GALNT9: variants seen among roughly 807,000 people sequenced by gnomAD.
GALNT9 encodes the protein GalNAc transferase 9.
Under a neutral mutation model 63.1 loss-of-function variants are expected in GALNT9, and 47 were observed. The observed-to-expected ratio is 0.75, with a 90% CI of 0.59 to 0.95. The LOEUF (loss-of-function observed/expected upper bound fraction) is 0.95, where lower values mean the gene tolerates loss of function less well. GALNT9 is among the 40% of genes least tolerant of loss of function. GALNT9 has a pLI of 0.00. For missense variants in GALNT9, 829 were observed against 874.8 expected (o/e 0.95, Z 0.66); for synonymous variants, 396 against 365.7 (o/e 1.08, Z -0.94).
At chr12:132,258,021 AC>A in intron 4 of GALNT9, 135 bp from the exon 5 acceptor site, 1 of 646,942 alleles carries the variant, frequency 1.5e-6, no homozygotes, top group Non-Finnish European at 2.7e-6. Context: ...GCTGAGCTAG[AC>A]CCACATCCTC....
At chr12:132,221,772 G>A (rs970318740) in intron 6 of GALNT9, among the ~76,000 whole-genome samples, 2 of 151,732 alleles carry the variant, frequency 1.3e-5, no homozygotes, top group African/African-American at 4.8e-5. Flanking sequence ...AGAGGAATTC[G>A]GGGGCCCAGA....
intron 6 of GALNT9, among the ~76,000 whole-genome samples, chr12:132,210,147 G>A (rs1006050663): frequency 5.9e-5 from 9 of 152,220 alleles, no homozygotes; most frequent in African/African-American, 1.9e-4. Flanking sequence ...TCCAGAGATG[G>A]GTGGGTCCCT....
chr12:132,213,941 C>A (rs138474787), intron 6 of GALNT9, among the ~76,000 whole-genome samples: 12 of 152,320 alleles, frequency 7.9e-5, no homozygotes, highest in African/African-American at 2.6e-4. Flanking sequence ...AACCCCACCC[C>A]CTATGTCCGC....
intron 9 of GALNT9, 148 bp from the exon 10 acceptor site, chr12:132,198,107 C>T (rs922285306): frequency 1.0e-4 from 68 of 661,982 alleles, no homozygotes; most frequent in Middle Eastern, 4.2e-4. Context: ...CTGTTGCGGG[C>T]GGGAGAGGAC....
In GALNT9 at chr12:132,246,836, G is replaced by T. The variant is rs1429189916; in HGVS notation, c.1077+1074C>A. Among the ~76,000 whole-genome samples the T allele has an allele frequency of 2.0e-5, 3 of 152,136 alleles. No homozygotes were observed. Among genetic ancestry groups the T allele is most frequent in the Non-Finnish European group, 4.4e-5 (3 of 68,024 alleles). Reference sequence around the variant, plus strand: ...GTGAGCCTCAGTGCCCGGCCTCACAGTATTATTTAATCTGCCCAACCTGAG... The same window carrying T: ...GTGAGCCTCAGTGCCCGGCCTCACATTATTATTTAATCTGCCCAACCTGAG... On this transcript the variant is annotated intron_variant, in intron 6 of 10. Coordinates refer to ENST00000328957, the MANE Select transcript of GALNT9 (RefSeq NM_001122636.2). This position sits in a 1 kb window ranked among gnomAD's most constrained non-coding sequence, Gnocchi z 4.7.
At chr12:132,298,571 AC>A (rs1407317254) in intron 1 of GALNT9, among the ~76,000 whole-genome samples, 16 of 151,414 alleles carry the variant, frequency 1.1e-4, no homozygotes, top group African/African-American at 3.7e-4. Context: ...TGCTGAGATA[AC>A]CCACTCCCAT....
chr12:132,266,551 C>T (rs765930105), intron 2 of GALNT9, among the ~76,000 whole-genome samples: 9 of 152,210 alleles, frequency 5.9e-5, no homozygotes, highest in Non-Finnish European at 7.3e-5. Context: ...GGCACGGCCA[C>T]GAGCCCAGGG....
At chr12:132,278,252 C>T (rs1341086665) in intron 2 of GALNT9, 1 of 152,224 alleles carries the variant, frequency 6.6e-6, no homozygotes, top group Non-Finnish European at 1.5e-5. Context: ...ACGTCGCACT[C>T]TCTGGGTATG....
intron 1 of GALNT9, among the ~76,000 whole-genome samples, chr12:132,311,794 G>A (rs573680623): frequency 3.3e-5 from 5 of 152,178 alleles, no homozygotes; most frequent in East Asian, 1.9e-4. Context: ...CTTCGTGTGC[G>A]TGCGACCTTG....
intron 4 of GALNT9, 85 bp downstream of exon 4, chr12:132,260,863 A>C (rs1879348878): frequency 1.4e-6 from 2 of 1,433,948 alleles, no homozygotes; most frequent in African/African-American, 1.4e-5. Flanking sequence ...CCCAGCGGCC[A>C]GGCTGCAGCC....
At chr12:132,270,076 A>C (rs1396725023) in intron 2 of GALNT9, among the ~76,000 whole-genome samples, 1 of 152,260 alleles carries the variant, frequency 6.6e-6, no homozygotes, top group Admixed American at 6.5e-5. Flanking sequence ...TTCCAACAAG[A>C]ACAAGTCCCA....
chr12:132,251,588 G>C (rs1385721285), intron 5 of GALNT9, among the ~76,000 whole-genome samples: 6 of 152,216 alleles, frequency 3.9e-5, no homozygotes, highest in Non-Finnish European at 7.3e-5. Context: ...TTCTGACCAG[G>C]AGAGGTCTCA....
At chr12:132,328,482 C>G (rs1035128111) in intron 1 of GALNT9, among the ~76,000 whole-genome samples, 2 of 152,216 alleles carry the variant, frequency 1.3e-5, no homozygotes, top group Non-Finnish European at 2.9e-5. Flanking sequence ...ATTTGGGGTG[C>G]CTTCGAACCT....
intron 10 of GALNT9, 102 bp from the exon 11 acceptor site, chr12:132,197,355 T>C: frequency 3.3e-6 from 5 of 1,509,714 alleles, no homozygotes; most frequent in Non-Finnish European, 4.4e-6. Context: ...TCGTGCTCAT[T>C]CTTGGGGCAG....
At chr12:132,293,204 T>C (rs1880927057) in intron 1 of GALNT9, among the ~76,000 whole-genome samples, 1 of 152,184 alleles carries the variant, frequency 6.6e-6, no homozygotes, top group South Asian at 2.1e-4. Flanking sequence ...GGAAGGGGCC[T>C]CCAGGCAGCA....
chr12:132,298,432 C>T (rs1308069551), intron 1 of GALNT9, among the ~76,000 whole-genome samples: 1 of 151,768 alleles, frequency 6.6e-6, no homozygotes, highest in African/African-American at 2.4e-5. Context: ...AGATAATCCA[C>T]TCCTATAACT....
rs2135593773 is a variant in GALNT9 at position 132,324,437 on chromosome 12, G to A, written c.238+4529C>T. On this transcript the variant is annotated intron_variant, in intron 1 of 10. Transcript: ENST00000328957. ...TGACGGGGCACGTGCTTTGTGCCGCGCGTGCAAGAGACGCTGTCCTCGTAC... is the reference window on the plus strand; with the variant it reads ...TGACGGGGCACGTGCTTTGTGCCGCACGTGCAAGAGACGCTGTCCTCGTAC... 1.3e-5 allele frequency among the ~76,000 whole-genome samples: 2 copies of A among 152,250 alleles called. 1 individual carries two copies. Among genetic ancestry groups the A allele is most frequent in the South Asian group, 4.1e-4 (2 of 4,828 alleles).
At chr12:132,227,867 G>T (rs1417155870) in intron 6 of GALNT9, among the ~76,000 whole-genome samples, 12 of 152,080 alleles carry the variant, frequency 7.9e-5, no homozygotes, top group Admixed American at 2.6e-4. Flanking sequence ...TCCCCACAGG[G>T]ATGTGCAAAT....
At chr12:132,290,785 T>A (rs1212446138) in intron 1 of GALNT9, among the ~76,000 whole-genome samples, 17 of 45,460 alleles carry the variant, frequency 3.7e-4, no homozygotes, top group African/African-American at 1.4e-3. Context: ...AGCACCCACG[T>A]CCACAGCACC....
Sources: allele counts gnomAD v4.1 joint callset (sites outside exome capture counted in the v4.1 genomes callset), GRCh38; gene constraint gnomAD v4.1.1; non-coding constraint Gnocchi (gnomAD v3.1); transcripts MANE v1.5; gene names NCBI Gene and HGNC (gene_info 2026-07-23, HGNC 2026-07-21).